NOTCH2NLA: variants seen among roughly 807,000 people sequenced by gnomAD.
NOTCH2NLA encodes the protein notch 2 N-terminal like A.
At position 146,182,613 on chromosome 1, in the gene NOTCH2NLA, G is replaced by A. The variant is rs868928845; in HGVS notation, c.38+6687C>T. 1.5e-4 allele frequency among the ~76,000 whole-genome samples: 12 copies of A among 81,500 alleles called. 1 individual carries two copies. Among genetic ancestry groups the A allele is most frequent in the Non-Finnish European group, 2.0e-4 (7 of 35,094 alleles). 53.5% of individuals were successfully genotyped at this position (81,500 alleles called of 152,430 possible). A position where few individuals can be genotyped will look rare whatever the true frequency, so the allele number is the denominator to read the frequency against. On this transcript the variant is annotated intron_variant, in intron 2 of 4. Transcript: ENST00000362074. ...TGTAATCCCAGCACTTTGGGAGGCC[G>A]AGGCGGGCAGATCATGAGGTCAGGA...
intron 2 of NOTCH2NLA, among the ~76,000 whole-genome samples, chr1:146,172,815 G>C (rs1178531419): frequency 1.4e-5 from 2 of 145,800 alleles, no homozygotes; most frequent in African/African-American, 4.9e-5. Context: ...AGTTTTTGTG[G>C]GGAAGACCCT....
At chr1:146,187,031 C>T (rs1553810386) in intron 2 of NOTCH2NLA, among the ~76,000 whole-genome samples, 1 of 129,096 alleles carries the variant, frequency 7.7e-6, no homozygotes, top group African/African-American at 2.6e-5. Context: ...CTCCCCTTTC[C>T]CCCCACCCCC....
chr1:146,159,468 AGG>A (rs1661378935), intron 3 of NOTCH2NLA, among the ~76,000 whole-genome samples: 1 of 151,254 alleles, frequency 6.6e-6, no homozygotes. Context: ...AAAGAAAGGA[AGG>A]GAGAAAGAAA....
chr1:146,154,012 CACACA>C (rs1661020136), downstream of NOTCH2NLA: 61 of 53,692 alleles, frequency 1.1e-3, no homozygotes, highest in East Asian at 0.037. Flanking sequence ...GCCATACACA[CACACA>C]CACACACACA....
chr1:146,228,775 C>A (rs782655574), exon 1 of NOTCH2NLA: 3 of 1,573,836 alleles, frequency 1.9e-6, no homozygotes, highest in South Asian at 1.1e-5. Flanking sequence ...GGGCGCAGGG[C>A]GGGTATCTTC....
At chr1:146,183,536 C>A (rs1662640951) in intron 2 of NOTCH2NLA, among the ~76,000 whole-genome samples, 1 of 119,430 alleles carries the variant, frequency 8.4e-6, no homozygotes, top group African/African-American at 3.5e-5. Flanking sequence ...TCCAGAAAAA[C>A]TATACACACA....
At chr1:146,182,459 A>G (rs1454047405) in intron 2 of NOTCH2NLA, among the ~76,000 whole-genome samples, 2 of 139,414 alleles carry the variant, frequency 1.4e-5, no homozygotes, top group Non-Finnish European at 3.3e-5. Context: ...CTAATACGCA[A>G]TAATGTTAGC....
intron 3 of NOTCH2NLA, among the ~76,000 whole-genome samples, chr1:146,159,169 C>A (rs1204032829): frequency 2.6e-5 from 4 of 151,922 alleles, no homozygotes; most frequent in Non-Finnish European, 5.9e-5. Context: ...ACCAGCCTGG[C>A]CAACACGGTG....
intron 2 of NOTCH2NLA, among the ~76,000 whole-genome samples, chr1:146,187,420 T>C (rs1432669876): frequency 7.4e-6 from 1 of 135,634 alleles, no homozygotes; most frequent in Non-Finnish European, 1.7e-5. Flanking sequence ...GGCCAAATGG[T>C]ATTTCTGGTT....
chr1:146,159,443 GAAAGAGAA>G (rs1453821731), intron 3 of NOTCH2NLA, among the ~76,000 whole-genome samples: 4 of 148,534 alleles, frequency 2.7e-5, no homozygotes, highest in East Asian at 3.9e-4. Flanking sequence ...AAGAAAGAAA[GAAAGAGAA>G]AGAAAGAAAG....
intron 2 of NOTCH2NLA, among the ~76,000 whole-genome samples, chr1:146,172,164 G>A (rs1190065697): frequency 9.2e-6 from 1 of 108,824 alleles, no homozygotes; most frequent in East Asian, 2.3e-4. Context: ...ACCTTGCAAT[G>A]AAACAGTACT....
intron 2 of NOTCH2NLA, among the ~76,000 whole-genome samples, chr1:146,172,741 G>A: frequency 6.6e-6 from 1 of 151,864 alleles, no homozygotes; most frequent in Non-Finnish European, 1.5e-5. Context: ...CCGCTGGTAT[G>A]GTTCTTCTTT....
intron 2 of NOTCH2NLA, among the ~76,000 whole-genome samples, chr1:146,186,802 T>C (rs1406333060): frequency 2.3e-5 from 3 of 133,244 alleles, no homozygotes; most frequent in Non-Finnish European, 5.2e-5. Context: ...GATCTTCAAA[T>C]AGAACCAATT....
rs782014725 is a variant in NOTCH2NLA, at chr1:146,219,795, TAA to T, written c.-45+8912_-45+8913del. Among the ~76,000 whole-genome samples, 9 of 78,536 alleles carry T rather than the reference TAA, an allele frequency of 1.1e-4. 2 individuals are homozygous for T. Among genetic ancestry groups the T allele is most frequent in the African/African-American group, 7.2e-4 (9 of 12,476 alleles). The allele number at this position is 78,536 out of a possible 152,430, so 51.5% of individuals were successfully genotyped here. On this transcript the variant is annotated intron_variant, in intron 1 of 4. Coordinates refer to ENST00000362074, the Ensembl canonical transcript of NOTCH2NLA. ...TATATATGTAGATCTGTTCATAAAC[TAA>T]AAAAAAAAAATATATATATATATAT...
chr1:146,228,800 C>A lies in NOTCH2NLA; in HGVS notation c.-136G>T. The A allele has an allele frequency of 6.5e-7, 1 of 1,541,732 alleles. No individual in the cohort carries two copies. Among genetic ancestry groups the A allele is most frequent in the Non-Finnish European group, 8.7e-7 (1 of 1,152,020 alleles). On this transcript the variant is annotated 5_prime_UTR_variant, in exon 1 of 5. It introduces an in-frame stop codon into an upstream open reading frame of the 5' UTR. Coordinates refer to ENST00000362074, the Ensembl canonical transcript of NOTCH2NLA. ...CGGGTATCTTCTCGGTCGCCTCCTC[C>A]GCCGCCGCCGCCGCGGCCGCCTGGG... is the stretch of plus-strand genomic sequence containing the variant.
chr1:146,151,598 TAGG>T (rs1182029154), downstream of NOTCH2NLA, among the ~76,000 whole-genome samples: 4 of 96,844 alleles, frequency 4.1e-5, 2 homozygotes, highest in Non-Finnish European at 7.7e-5. Context: ...CAGAAATAAA[TAGG>T]AGGATTCAAA....
At position 146,206,516 on chromosome 1, in the gene NOTCH2NLA, C is replaced by T. The variant is rs144712715; in HGVS notation, c.-44-17135G>A. On this transcript the variant is annotated intron_variant, in intron 1 of 4. Coordinates refer to ENST00000362074, the Ensembl canonical transcript of NOTCH2NLA. Reference sequence around the variant, plus strand: ...TCTTTCCTTCAAGCACAGCAGAACACGAGAAATGTCACATCTTTATCTGCA... The same window carrying T: ...TCTTTCCTTCAAGCACAGCAGAACATGAGAAATGTCACATCTTTATCTGCA... Among the ~76,000 whole-genome samples the T allele has an allele frequency of 9.5e-5, 14 of 146,680 alleles. No homozygotes were observed. In the South Asian group the frequency reaches 1.1e-3, roughly 11 times the overall value.
chr1:146,158,054 A>C (rs1244844576), intron 3 of NOTCH2NLA, among the ~76,000 whole-genome samples: 1 of 147,694 alleles, frequency 6.8e-6, no homozygotes, highest in African/African-American at 2.5e-5. Flanking sequence ...GAAAGAGAAA[A>C]AAATATCCTC....
intron 2 of NOTCH2NLA, among the ~76,000 whole-genome samples, chr1:146,174,499 AAG>A (rs1553807705): frequency 6.7e-6 from 1 of 149,844 alleles, no homozygotes; most frequent in African/African-American, 2.4e-5. Flanking sequence ...CAAGAAGAAA[AAG>A]AGAGGCATGC....
Sources: gnomAD v4.1 joint callset for allele counts (sites outside exome capture counted in the v4.1 genomes callset) on GRCh38, gnomAD v4.1.1 for gene constraint, MANE v1.5 for transcripts, NCBI Gene and HGNC (gene_info 2026-07-23, HGNC 2026-07-21) for gene names.